Variants in HTR7 observed in about 807,000 individuals in gnomAD.
The protein encoded by HTR7 is 5-hydroxytryptamine receptor 7.
HTR7 carries 16 observed loss-of-function variants against 34.0 expected under a neutral mutation model. The ratio of observed to expected loss-of-function variants is 0.47; its 90% CI spans 0.32 to 0.71. The LOEUF (loss-of-function observed/expected upper bound fraction) is 0.71, where lower values mean the gene tolerates loss of function less well. Among genes scored for constraint, HTR7 ranks in the 30% least tolerant of loss-of-function variants. The pLI is 0.04. For synonymous variants in HTR7, 265 were observed against 260.2 expected (o/e 1.02, Z -0.18); for missense variants, 504 against 625.5 (o/e 0.81, Z 2.07).
intron 1 of HTR7, among the ~76,000 whole-genome samples, chr10:90,798,829 A>G (rs756564437): frequency 8.5e-5 from 13 of 152,202 alleles, no homozygotes; most frequent in Non-Finnish European, 1.5e-4. Flanking sequence ...CAACTTTGGG[A>G]GGAACTTAGT....
intron 1 of HTR7, among the ~76,000 whole-genome samples, chr10:90,751,050 TC>T (rs1238492506): frequency 6.6e-6 from 1 of 152,140 alleles, no homozygotes; most frequent in African/African-American, 2.4e-5. Flanking sequence ...GAACTTCTGA[TC>T]CCTTCCAAGG....
At chr10:90,777,765 A>G (rs926201027) in intron 1 of HTR7, among the ~76,000 whole-genome samples, 3 of 152,218 alleles carry the variant, frequency 2.0e-5, no homozygotes, top group Admixed American at 1.3e-4. Context: ...GTTGTGAACA[A>G]TGAGGTTATT....
At chr10:90,852,476 C>T (rs1288476361) in intron 1 of HTR7, among the ~76,000 whole-genome samples, 1 of 152,024 alleles carries the variant, frequency 6.6e-6, no homozygotes, top group African/African-American at 2.4e-5. Flanking sequence ...TTCCAAAGTA[C>T]CTTATTACCT....
chr10:90,745,848 C>A (rs1478061048), intron 2 of HTR7, among the ~76,000 whole-genome samples: 2 of 152,126 alleles, frequency 1.3e-5, no homozygotes, highest in Non-Finnish European at 2.9e-5. Context: ...TCAATAGAGA[C>A]CATATGGCTA....
At chr10:90,746,691 T>C (rs1844642528) in intron 2 of HTR7, among the ~76,000 whole-genome samples, 1 of 152,212 alleles carries the variant, frequency 6.6e-6, no homozygotes, top group African/African-American at 2.4e-5. Context: ...AGTTTGCTCA[T>C]TAACACTCAC....
At chr10:90,764,903 G>T (rs1490294769) in intron 1 of HTR7, among the ~76,000 whole-genome samples, 1 of 151,874 alleles carries the variant, frequency 6.6e-6, no homozygotes, top group African/African-American at 2.4e-5. Context: ...TTATTGATTT[G>T]CATATATTGG....
chr10:90,760,994 TTTC>T (rs1376994585), intron 1 of HTR7, among the ~76,000 whole-genome samples: 1 of 152,330 alleles, frequency 6.6e-6, no homozygotes, highest in African/African-American at 2.4e-5. Context: ...TCAGTTTATT[TTTC>T]TTGTTTTAAA....
rs540102414 is a variant in HTR7, at chr10:90,802,882, T to C, written c.540-53288A>G. 2.1e-3 allele frequency among the ~76,000 whole-genome samples: 321 copies of C among 152,262 alleles called. 1 individual carries two copies. Among genetic ancestry groups the C allele is most frequent in the Middle Eastern group, 0.01 (3 of 294 alleles). ...ACAGCTTTTGATTTCCTGTCTTCCATCTGTGGGGGCATATGGTGGTTTTGG... is the reference window on the plus strand; with the variant it reads ...ACAGCTTTTGATTTCCTGTCTTCCACCTGTGGGGGCATATGGTGGTTTTGG... On this transcript the variant is annotated intron_variant, in intron 1 of 3. Transcript: ENST00000336152.
chr10:90,759,382 G>A lies in HTR7; in HGVS notation c.540-9788C>T, dbSNP rs1305583284. On this transcript the variant is annotated intron_variant, in intron 1 of 3. Transcript: ENST00000336152. ...ATTTAAAACCAGGGAAAGGCCGGGC[G>A]CGGTGGCTCACGCCTGTAATCCCAG... Among the ~76,000 whole-genome samples, 13 of 151,840 alleles carry A rather than the reference G, an allele frequency of 8.6e-5. 1 individual carries two copies. Among genetic ancestry groups the A allele is most frequent in the Admixed American group, 3.3e-4 (5 of 15,264 alleles).
intron 1 of HTR7, among the ~76,000 whole-genome samples, chr10:90,797,171 T>G (rs1845553499): frequency 6.6e-6 from 1 of 152,170 alleles, no homozygotes; most frequent in Admixed American, 6.5e-5. Flanking sequence ...ATTTCTAGGT[T>G]TTTTTCATTT....
chr10:90,796,943 C>T (rs761463457), intron 1 of HTR7, among the ~76,000 whole-genome samples: 9 of 150,644 alleles, frequency 6.0e-5, no homozygotes, highest in Non-Finnish European at 1.0e-4. Flanking sequence ...ACCTGCAAGG[C>T]GGAGCTTGCA....
chr10:90,857,351 G>A lies in HTR7; in HGVS notation c.321C>T (p.Cys107=). ...AGNCLVVISV[C]FVKKLRQPSN... is the part of the protein sequence containing the mutation. ...AGGGCTGGCGGAGCTTCTTGACGAAGCACACGGAGATCACCACCAGGCAGT... is the reference window on the plus strand; with the variant it reads ...AGGGCTGGCGGAGCTTCTTGACGAAACACACGGAGATCACCACCAGGCAGT... The change falls in exon 1 of 4, where the codon TGC becomes TGT. Residue 107 remains cysteine, a synonymous_variant. Transcript: ENST00000336152. The surrounding 1 kb of genome is among the most constrained non-coding windows in gnomAD (Gnocchi z 6.5). The A allele has an allele frequency of 1.9e-6, 3 of 1,614,104 alleles. No individual in the cohort carries two copies. The highest frequency in any genetic ancestry group is 1.7e-6 in the Non-Finnish European group (2 of 1,180,008).
chr10:90,781,183 AATTT>A (rs1242637861), intron 1 of HTR7, among the ~76,000 whole-genome samples: 1 of 152,186 alleles, frequency 6.6e-6, no homozygotes, highest in Admixed American at 6.5e-5. Context: ...CTCTATGCAT[AATTT>A]ATTTATGTAT....
chr10:90,799,069 CA>C (rs1420341983), intron 1 of HTR7, among the ~76,000 whole-genome samples: 2 of 152,098 alleles, frequency 1.3e-5, no homozygotes, highest in Non-Finnish European at 2.9e-5. Context: ...AGATATTTTG[CA>C]AACCCTGCAC....
At chr10:90,817,208 G>A (rs886359149) in intron 1 of HTR7, among the ~76,000 whole-genome samples, 1 of 152,132 alleles carries the variant, frequency 6.6e-6, no homozygotes, top group Non-Finnish European at 1.5e-5. Flanking sequence ...CTTGGCCAAG[G>A]AAACCCCAGA....
intron 1 of HTR7, among the ~76,000 whole-genome samples, chr10:90,757,029 C>A (rs1844842623): frequency 6.6e-6 from 1 of 152,006 alleles, no homozygotes; most frequent in Middle Eastern, 3.4e-3. Context: ...CCTTTTATTC[C>A]TCAGAAAAAG....
chr10:90,747,087 G>C (rs1397224283), intron 2 of HTR7, among the ~76,000 whole-genome samples: 4 of 152,180 alleles, frequency 2.6e-5, no homozygotes, highest in Non-Finnish European at 5.9e-5. Context: ...ACCACTTAGG[G>C]ACTGTGTGAA....
At chr10:90,746,100 G>A (rs1006189351) in intron 2 of HTR7, among the ~76,000 whole-genome samples, 2 of 152,142 alleles carry the variant, frequency 1.3e-5, no homozygotes, top group African/African-American at 4.8e-5. Flanking sequence ...CTATATGACT[G>A]TGGGGGAAAT....
intron 1 of HTR7, among the ~76,000 whole-genome samples, chr10:90,783,119 C>T (rs1393179002): frequency 1.3e-5 from 2 of 152,214 alleles, no homozygotes; most frequent in African/African-American, 4.8e-5. Flanking sequence ...GCCAGCAGTG[C>T]TGTCAGTCCA....
Sources: allele counts gnomAD v4.1 joint callset (sites outside exome capture counted in the v4.1 genomes callset), GRCh38; gene constraint gnomAD v4.1.1; non-coding constraint Gnocchi (gnomAD v3.1); transcripts MANE v1.5; gene names NCBI Gene and HGNC (gene_info 2026-07-23, HGNC 2026-07-21).